Variants in DOK6 observed in about 807,000 individuals in gnomAD.
The protein encoded by DOK6 is docking protein 6, also known as downstream of tyrosine kinase 6.
DOK6 carries 22 observed loss-of-function variants against 44.0 expected under a neutral mutation model. The observed-to-expected ratio is 0.50, with a 90% CI of 0.36 to 0.71. DOK6 has a LOEUF of 0.71. Among genes scored for constraint, DOK6 ranks in the 30% least tolerant of loss-of-function variants. The pLI is 0.00. For missense variants in DOK6, 340 were observed against 416.4 expected (o/e 0.82, Z 1.60); for synonymous variants, 166 against 145.5 (o/e 1.14, Z -1.01).
chr18:69,544,911 A>T (rs938471847), intron 1 of DOK6, among the ~76,000 whole-genome samples: 12 of 151,336 alleles, frequency 7.9e-5, no homozygotes, highest in African/African-American at 2.9e-4. Flanking sequence ...CGGGCGGATC[A>T]CTAGGTCAGG....
chr18:69,557,147 C>T (rs767599139), intron 1 of DOK6, among the ~76,000 whole-genome samples: 1 of 152,198 alleles, frequency 6.6e-6, no homozygotes, highest in East Asian at 1.9e-4. Flanking sequence ...AGCTACGACA[C>T]TTCGTTCTAT....
intron 7 of DOK6, among the ~76,000 whole-genome samples, chr18:69,836,722 G>A (rs1013721732): frequency 1.3e-5 from 2 of 152,152 alleles, no homozygotes; most frequent in South Asian, 4.1e-4. Flanking sequence ...AGTTTAGGAA[G>A]CATTTAACTA....
At chr18:69,822,517 A>G (rs1231962991) in intron 7 of DOK6, among the ~76,000 whole-genome samples, 11 of 152,244 alleles carry the variant, frequency 7.2e-5, no homozygotes, top group Admixed American at 5.2e-4. Flanking sequence ...GGAAACTACA[A>G]GTTTGGGGAA....
At chr18:69,474,549 A>G (rs1054940567) in intron 1 of DOK6, among the ~76,000 whole-genome samples, 5 of 152,210 alleles carry the variant, frequency 3.3e-5, no homozygotes, top group Admixed American at 2.0e-4. Context: ...GACTTTTGAT[A>G]TGGTTTGTAC....
chr18:69,690,406 T>C lies in DOK6; in HGVS notation c.410-7998T>C, dbSNP rs74554709. 5.3e-5 allele frequency among the ~76,000 whole-genome samples: 8 copies of C among 152,348 alleles called. No homozygotes were observed. The East Asian group carries it at 1.5e-3, about 29-fold the overall frequency. On this transcript the variant is annotated intron_variant, in intron 4 of 7. Transcript: ENST00000382713. ...TTTGACAAGCATAAATCATGTTTTG[T>C]TTATTCGTGGTTTAATTGTATTATA...
intron 5 of DOK6, among the ~76,000 whole-genome samples, chr18:69,736,688 A>G (rs558606990): frequency 6.6e-6 from 1 of 152,350 alleles, no homozygotes; most frequent in African/African-American, 2.4e-5. Flanking sequence ...AGTTAAGGAA[A>G]TAATTCTTTG....
At chr18:69,429,843 T>C (rs986940438) in intron 1 of DOK6, among the ~76,000 whole-genome samples, 2 of 151,842 alleles carry the variant, frequency 1.3e-5, no homozygotes, top group African/African-American at 4.8e-5. Flanking sequence ...TAAGATTCAT[T>C]GCTCTTATCT....
intron 7 of DOK6, among the ~76,000 whole-genome samples, chr18:69,763,738 T>C (rs1979633851): frequency 6.6e-6 from 1 of 152,198 alleles, no homozygotes; most frequent in Non-Finnish European, 1.5e-5. Flanking sequence ...CATATTTAGA[T>C]GACAGGCTAT....
intron 1 of DOK6, among the ~76,000 whole-genome samples, chr18:69,487,219 G>GTC (rs1555706298): frequency 1.6e-4 from 22 of 135,368 alleles, no homozygotes; most frequent in Admixed American, 9.5e-4. Flanking sequence ...GTGTGTGTGT[G>GTC]TGTCTGTCTG....
chr18:69,472,574 G>A (rs945388342), intron 1 of DOK6, among the ~76,000 whole-genome samples: 5 of 152,094 alleles, frequency 3.3e-5, no homozygotes, highest in Admixed American at 6.5e-5. Flanking sequence ...GCTCACTGAC[G>A]CCCACAGGAG....
intron 3 of DOK6, among the ~76,000 whole-genome samples, chr18:69,625,510 T>C (rs1984538333): frequency 6.6e-6 from 1 of 152,186 alleles, no homozygotes; most frequent in South Asian, 2.1e-4. Context: ...ATGTCTATTA[T>C]TGGTAATAAA....
intron 4 of DOK6, among the ~76,000 whole-genome samples, chr18:69,679,617 C>T (rs957429648): frequency 6.6e-6 from 1 of 152,146 alleles, no homozygotes; most frequent in African/African-American, 2.4e-5. Context: ...GGAAACACCT[C>T]TTACTGATAA....
At chr18:69,763,186 T>A (rs902187177) in intron 7 of DOK6, among the ~76,000 whole-genome samples, 3 of 152,212 alleles carry the variant, frequency 2.0e-5, no homozygotes, top group African/African-American at 7.2e-5. Context: ...TTGTACGAAG[T>A]ACTTGGCAGC....
intron 4 of DOK6, among the ~76,000 whole-genome samples, chr18:69,696,565 T>C (rs1986393849): frequency 6.6e-6 from 1 of 152,212 alleles, no homozygotes; most frequent in Non-Finnish European, 1.5e-5. Context: ...TCTATAACAA[T>C]ATTTTCTCTA....
intron 1 of DOK6, among the ~76,000 whole-genome samples, chr18:69,487,195 G>C (rs1303567855): frequency 6.9e-6 from 1 of 144,468 alleles, no homozygotes; most frequent in African/African-American, 2.5e-5. Flanking sequence ...GTGTGTGTGT[G>C]TGTGTGTGTG....
At chr18:69,401,838 C>T (rs1013069642) in intron 1 of DOK6, among the ~76,000 whole-genome samples, 5 of 152,150 alleles carry the variant, frequency 3.3e-5, no homozygotes, top group Non-Finnish European at 5.9e-5. Context: ...GAGGGCGGCT[C>T]CCGCGCCCCG....
At chr18:69,759,420 A>T (rs1313316548) in intron 7 of DOK6, among the ~76,000 whole-genome samples, 3 of 152,228 alleles carry the variant, frequency 2.0e-5, no homozygotes, top group Non-Finnish European at 2.9e-5. Context: ...AATGAAAAAA[A>T]CTATCAGATT....
intron 1 of DOK6, among the ~76,000 whole-genome samples, chr18:69,409,803 C>T (rs1361723339): frequency 6.6e-6 from 1 of 152,140 alleles, no homozygotes; most frequent in African/African-American, 2.4e-5. Context: ...TAAATTTTCT[C>T]ACATGCTATG....
At chr18:69,803,837 C>G (rs2145108692) in intron 7 of DOK6, among the ~76,000 whole-genome samples, 1 of 152,148 alleles carries the variant, frequency 6.6e-6, no homozygotes, top group South Asian at 2.1e-4. Context: ...CCAGCCTGGG[C>G]ACAGAGCAAG....
Sources: allele counts gnomAD v4.1 joint callset (sites outside exome capture counted in the v4.1 genomes callset), GRCh38; gene constraint gnomAD v4.1.1; transcripts MANE v1.5; gene names NCBI Gene and HGNC (gene_info 2026-07-23, HGNC 2026-07-21).